The following CSMD3 variants were observed in gnomAD, a reference collection of about 807,000 sequenced individuals.
The protein encoded by CSMD3 is CUB and Sushi multiple domains 3.
Under a neutral mutation model 435.2 loss-of-function variants are expected in CSMD3, and 177 were observed. The observed-to-expected ratio is 0.41, with a 90% CI of 0.36 to 0.46. CSMD3 has a LOEUF of 0.46. Ranked by LOEUF, CSMD3 falls within the 20% of genes least tolerant of loss-of-function variation. The pLI is 0.34. For synonymous variants in CSMD3, 1,656 were observed against 1,520.5 expected (o/e 1.09, Z -2.07); for missense variants, 4,265 against 4,504.6 (o/e 0.95, Z 1.52).
intron 32 of CSMD3, among the ~76,000 whole-genome samples, chr8:112,437,263 A>G (rs1023892610): frequency 4.0e-5 from 6 of 151,652 alleles, no homozygotes; most frequent in African/African-American, 9.7e-5. Flanking sequence ...CATGTTCCAC[A>G]TGTTTCTATC....
chr8:113,179,902 C>A (rs1454920926), intron 3 of CSMD3, among the ~76,000 whole-genome samples: 1 of 151,598 alleles, frequency 6.6e-6, no homozygotes, highest in Non-Finnish European at 1.5e-5. Flanking sequence ...GTTGGGAGCA[C>A]ATGTATAGTT....
intron 13 of CSMD3, among the ~76,000 whole-genome samples, chr8:112,723,038 CAAA>C (rs780606356): frequency 8.0e-6 from 1 of 124,560 alleles, no homozygotes; most frequent in Non-Finnish European, 1.7e-5. Context: ...TGACAAGTAG[CAAA>C]AAAAAAAAAA....
At chr8:112,730,981 C>T (rs139975749) in intron 13 of CSMD3, among the ~76,000 whole-genome samples, 1 of 152,238 alleles carries the variant, frequency 6.6e-6, no homozygotes, top group African/African-American at 2.4e-5. Context: ...AGCAAACAAA[C>T]AACTCCCAGT....
chr8:113,310,370 T>C (rs1461943276), intron 2 of CSMD3: 4 of 151,894 alleles, frequency 2.6e-5, no homozygotes, highest in Non-Finnish European at 5.9e-5. Context: ...ATATATCATA[T>C]AAAAATTTTA....
intron 13 of CSMD3, among the ~76,000 whole-genome samples, chr8:112,718,511 ATATG>A (rs1340804637): frequency 1.4e-5 from 2 of 146,896 alleles, no homozygotes; most frequent in African/African-American, 5.2e-5. Context: ...GTGTGTATAT[ATATG>A]TATATATATA....
chr8:112,440,433 C>G (rs1036714833), intron 32 of CSMD3, among the ~76,000 whole-genome samples: 63 of 152,136 alleles, frequency 4.1e-4, no homozygotes, highest in African/African-American at 1.5e-3. Context: ...CATGGCTTCT[C>G]CAGGCCCACC....
At position 112,832,979 on chromosome 8, in the gene CSMD3, T is replaced by C. The variant is rs147747170; in HGVS notation, c.1756-3190A>G. On this transcript the variant is annotated intron_variant, in intron 11 of 70. Coordinates refer to ENST00000297405, the MANE Select transcript of CSMD3 (RefSeq NM_198123.2). ...TATATCACTATTCTGTATATAAGTATGTTGGATTTTGGATTCTGGATCTTG... is the reference window on the plus strand; with the variant it reads ...TATATCACTATTCTGTATATAAGTACGTTGGATTTTGGATTCTGGATCTTG... Among the ~76,000 whole-genome samples the C allele has an allele frequency of 6.7e-3, 1,021 of 152,266 alleles. 13 individuals are homozygous for C. Among genetic ancestry groups the C allele is most frequent in the African/African-American group, 0.023 (970 of 41,552 alleles).
chr8:112,458,736 C>T (rs1041271375), intron 32 of CSMD3, among the ~76,000 whole-genome samples: 10 of 152,026 alleles, frequency 6.6e-5, no homozygotes, highest in Non-Finnish European at 1.3e-4. Context: ...GAACCTGTCT[C>T]CTGAAGTGTG....
chr8:112,758,944 G>T (rs2077768536), intron 13 of CSMD3, among the ~76,000 whole-genome samples: 3 of 152,010 alleles, frequency 2.0e-5, no homozygotes, highest in Non-Finnish European at 4.4e-5. Context: ...TGTTGAGGCA[G>T]GATTATATAA....
intron 23 of CSMD3, 90 bp downstream of exon 23, chr8:112,586,976 A>C: frequency 1.2e-6 from 1 of 834,906 alleles, no homozygotes; most frequent in South Asian, 1.5e-5. Context: ...ATATACATAC[A>C]CATATATATA....
intron 4 of CSMD3, among the ~76,000 whole-genome samples, chr8:113,161,891 T>C (rs1393797430): frequency 6.6e-6 from 1 of 152,306 alleles, no homozygotes; most frequent in East Asian, 1.9e-4. Context: ...AATAAGGTGT[T>C]ACTTTACCAA....
chr8:112,701,178 AC>A (rs2076381637), intron 13 of CSMD3, among the ~76,000 whole-genome samples: 1 of 152,324 alleles, frequency 6.6e-6, no homozygotes, highest in African/African-American at 2.4e-5. Flanking sequence ...CAAGTGAGTG[AC>A]GACTGGCAAA....
intron 13 of CSMD3, among the ~76,000 whole-genome samples, chr8:112,705,793 T>G (rs1033164060): frequency 6.6e-6 from 1 of 152,214 alleles, no homozygotes; most frequent in East Asian, 1.9e-4. Context: ...TGCTAAAAAA[T>G]GTAAATGTTT....
chr8:112,494,504 T>C (rs59480651), intron 30 of CSMD3, among the ~76,000 whole-genome samples: 1,164 of 54,216 alleles, frequency 0.021, 85 homozygotes, highest in African/African-American at 0.065. Context: ...CCTTTCTTTC[T>C]TTCTTTCTTT....
chr8:112,828,881 A>G (rs1200019101), intron 12 of CSMD3, among the ~76,000 whole-genome samples: 1 of 152,144 alleles, frequency 6.6e-6, no homozygotes, highest in Non-Finnish European at 1.5e-5. Flanking sequence ...TGTTTTCTAG[A>G]AAAGTAACAC....
intron 5 of CSMD3, among the ~76,000 whole-genome samples, chr8:113,021,329 G>C (rs895157979): frequency 6.6e-6 from 1 of 152,144 alleles, no homozygotes; most frequent in African/African-American, 2.4e-5. Flanking sequence ...TAGTAACTCA[G>C]TGAAAAACTA....
chr8:112,351,775 T>A (rs1826158966), intron 39 of CSMD3, among the ~76,000 whole-genome samples: 1 of 152,126 alleles, frequency 6.6e-6, no homozygotes, highest in South Asian at 2.1e-4. Flanking sequence ...TTTTTAATTT[T>A]GCTTTCTCTG....
intron 1 of CSMD3, among the ~76,000 whole-genome samples, chr8:113,315,427 A>G (rs1425275905): frequency 6.6e-6 from 1 of 152,040 alleles, no homozygotes; most frequent in East Asian, 1.9e-4. Context: ...GGACAAAAAT[A>G]CGTTAAATAA....
chr8:113,269,282 A>G (rs75335523), intron 3 of CSMD3, among the ~76,000 whole-genome samples: 1 of 152,164 alleles, frequency 6.6e-6, no homozygotes, highest in East Asian at 1.9e-4. Context: ...AAGAACAACT[A>G]CAAACCACTG....
Sources: gnomAD v4.1 joint callset for allele counts (sites outside exome capture counted in the v4.1 genomes callset) on GRCh38, gnomAD v4.1.1 for gene constraint, MANE v1.5 for transcripts, NCBI Gene and HGNC (gene_info 2026-07-23, HGNC 2026-07-21) for gene names.